SPON1: variants seen among roughly 807,000 people sequenced by gnomAD.
SPON1 encodes spondin-1.
In SPON1, 52 loss-of-function variants were observed where a neutral mutation model predicts 111.7. That is an observed-to-expected ratio of 0.47 (90% confidence interval 0.37 to 0.59). SPON1 has a LOEUF of 0.59. Among genes scored for constraint, SPON1 ranks in the 20% least tolerant of loss-of-function variants. The pLI is 0.00. For synonymous variants in SPON1, 410 were observed against 395.8 expected, an observed-to-expected ratio of 1.04 and a Z score of -0.43; for missense variants, 957 against 1,068.5, an observed-to-expected ratio of 0.90 and a Z score of 1.46.
At chr11:14,056,251 C>T (rs1848743846) in intron 3 of SPON1, among the ~76,000 whole-genome samples, 1 of 152,142 alleles carries the variant, frequency 6.6e-6, no homozygotes, top group Admixed American at 6.5e-5. Flanking sequence ...TAGAACACTT[C>T]CTGGCACAGA....
At chr11:13,992,403 C>T (rs1233470343) in intron 2 of SPON1, among the ~76,000 whole-genome samples, 1 of 152,170 alleles carries the variant, frequency 6.6e-6, no homozygotes, top group Non-Finnish European at 1.5e-5. Flanking sequence ...GACGCCCCTT[C>T]CTCCACCAAG....
chr11:14,149,423 G>A (rs570889765), intron 6 of SPON1, among the ~76,000 whole-genome samples: 45 of 152,118 alleles, frequency 3.0e-4, no homozygotes, highest in African/African-American at 9.4e-4. Flanking sequence ...TATTACAGTC[G>A]TTAAAAAGGT....
intron 6 of SPON1, among the ~76,000 whole-genome samples, chr11:14,176,203 C>A (rs782112658): frequency 6.6e-6 from 1 of 152,132 alleles, no homozygotes; most frequent in Non-Finnish European, 1.5e-5. Flanking sequence ...CTTCCATCAG[C>A]AACCCCTCTG....
Position 14,256,633 on chromosome 11 carries a change from T to C in SPON1, c.1250T>C (p.Ile417Thr), listed in dbSNP as rs372772467. ...CTTTTTCAGGGTGAACAATGCAATA[T>C]TGTACCTGACAATGTCGATGATATT... ...RIARKGEQCNIVPDNVDDIVA... is the reference protein window; with the variant it reads ...RIARKGEQCNTVPDNVDDIVA... Residue 417 changes from isoleucine to threonine, a missense_variant, in exon 10 of 16, where the codon ATT becomes ACT. Physicochemically the swap from Ile to Thr is moderately conservative, Grantham distance 89. This residue lies in a region of SPON1 where 549 missense variants were observed against 606.2 expected (regional missense o/e 0.91). Transcript: ENST00000576479. 8.6e-5 allele frequency: 138 copies of C among 1,613,634 alleles called. No individual in the cohort carries two copies. In the East Asian group the frequency reaches 1.7e-3, roughly 20 times the overall value.
chr11:14,145,468 G>A (rs1159747703), intron 6 of SPON1, among the ~76,000 whole-genome samples: 2 of 152,148 alleles, frequency 1.3e-5, no homozygotes, highest in East Asian at 1.9e-4. Flanking sequence ...AAATTTAAGT[G>A]AGAGATCATT....
chr11:14,069,585 C>T (rs528390454), intron 3 of SPON1, among the ~76,000 whole-genome samples: 1 of 152,108 alleles, frequency 6.6e-6, no homozygotes, highest in African/African-American at 2.4e-5. Flanking sequence ...CTGTTTATCT[C>T]TTTTCACCCA....
Position 14,262,934 on chromosome 11 carries a change from G to C in SPON1, c.2219G>C (p.Ser740Thr), listed in dbSNP as rs556316713. ...RWREARESRR[S>T]EQLKEESEGE... ...AGGGAGGCCCGAGAGAGCCGGCGGA[G>C]TGAGCAGCTGAAGGAAGAGTCTGAA... The change falls in exon 15 of 16, where the codon AGT becomes ACT. Residue 740 changes from serine (S) to threonine (T), a missense_variant. By Grantham distance (58) the Ser-to-Thr change is moderately conservative (BLOSUM62 1). This residue lies in a region of SPON1 where 549 missense variants were observed against 606.2 expected (regional missense o/e 0.91). Coordinates refer to ENST00000576479, the MANE Select transcript of SPON1 (RefSeq NM_006108.4). The C allele has an allele frequency of 4.5e-5, 73 of 1,613,688 alleles. No homozygotes were observed. The East Asian group carries it at 1.6e-3, about 34-fold the overall frequency.
chr11:14,065,649 T>C (rs1848826923), intron 3 of SPON1, among the ~76,000 whole-genome samples: 1 of 152,218 alleles, frequency 6.6e-6, no homozygotes, highest in Admixed American at 6.5e-5. Flanking sequence ...TGGAATATTT[T>C]ATTAAATGGA....
chr11:14,004,502 C>G lies in SPON1; in HGVS notation c.345+21549C>G, dbSNP rs78128604. On this transcript the variant is annotated intron_variant, in intron 2 of 15. Coordinates refer to ENST00000576479, the MANE Select transcript of SPON1 (RefSeq NM_006108.4). ...AGACCCTTACCAACATTTGCTATCT[C>G]TTGTCTTTTTGATAATAGCTATCCT... is the stretch of plus-strand genomic sequence containing the variant. Among the ~76,000 whole-genome samples the G allele has an allele frequency of 5.9e-4, 90 of 152,272 alleles. No individual in the cohort carries two copies. The East Asian group carries it at 0.015, about 26-fold the overall frequency.
At chr11:14,235,505 C>T (rs116469138) in intron 6 of SPON1, among the ~76,000 whole-genome samples, 2,361 of 151,518 alleles carry the variant, frequency 0.016, 59 homozygotes, top group African/African-American at 0.053. Flanking sequence ...AAAGCAAGAC[C>T]CCATCTCTAC....
chr11:14,031,642 T>C (rs1848559841), intron 2 of SPON1, among the ~76,000 whole-genome samples: 1 of 123,190 alleles, frequency 8.1e-6, no homozygotes, highest in Admixed American at 9.2e-5. Context: ...CAAACCAAAA[T>C]TATTCAAACA....
intron 6 of SPON1, among the ~76,000 whole-genome samples, chr11:14,202,325 T>A (rs1051024798): frequency 9.2e-5 from 14 of 152,202 alleles, no homozygotes; most frequent in Admixed American, 5.2e-4. Flanking sequence ...TCCCTCATCT[T>A]GCAGTCATCG....
chr11:14,191,476 G>A (rs1183709543), intron 6 of SPON1, among the ~76,000 whole-genome samples: 7 of 152,144 alleles, frequency 4.6e-5, no homozygotes, highest in African/African-American at 1.2e-4. Flanking sequence ...AAAACAGGCA[G>A]GCACATTTTG....
At chr11:14,041,708 T>C (rs1394449019) in intron 3 of SPON1, 54 bp downstream of exon 3, 8 of 1,582,340 alleles carry the variant, frequency 5.1e-6, no homozygotes, top group Middle Eastern at 1.7e-4. Flanking sequence ...TGTGGTGTGA[T>C]TGCAGGGAAA....
chr11:13,965,225 T>C (rs1470305434), intron 1 of SPON1, among the ~76,000 whole-genome samples: 3 of 152,190 alleles, frequency 2.0e-5, no homozygotes, highest in Non-Finnish European at 4.4e-5. Context: ...AGTGGTTATT[T>C]GGGTCCTCAT....
rs1461976145 is a variant in SPON1 at position 14,267,975 on chromosome 11, G to A, written c.*2288G>A. 5.3e-5 allele frequency: 8 copies of A among 152,212 alleles called. No homozygotes were observed. In the East Asian group the frequency reaches 1.5e-3, roughly 29 times the overall value. The allele number at this position is 152,212 out of a possible 1,614,324, so 9.4% of individuals were successfully genotyped here. On this transcript the variant is annotated 3_prime_UTR_variant, in exon 16 of 16. Coordinates refer to ENST00000576479, the MANE Select transcript of SPON1 (RefSeq NM_006108.4). Reference sequence around the variant, plus strand: ...CACATTTTAGGTCCAACAGCAAGAAGTTCAGAGAGAGATTTCCCAACCAGA... The same window carrying A: ...CACATTTTAGGTCCAACAGCAAGAAATTCAGAGAGAGATTTCCCAACCAGA...
At chr11:14,198,862 G>T (rs892472381) in intron 6 of SPON1, among the ~76,000 whole-genome samples, 11 of 152,214 alleles carry the variant, frequency 7.2e-5, no homozygotes, top group African/African-American at 2.7e-4. Context: ...TAAAGCTTAA[G>T]CTTAGAAAAG....
At chr11:14,233,325 C>T (rs1264958869) in intron 6 of SPON1, among the ~76,000 whole-genome samples, 3 of 152,182 alleles carry the variant, frequency 2.0e-5, no homozygotes, top group Admixed American at 6.5e-5. Context: ...GGCCCTATGT[C>T]GCCAGACACA....
intron 6 of SPON1, among the ~76,000 whole-genome samples, chr11:14,238,071 A>G (rs1848886273): frequency 6.6e-6 from 1 of 152,228 alleles, no homozygotes; most frequent in African/African-American, 2.4e-5. Flanking sequence ...CCACCTTGCA[A>G]ATGTGTTGTA....
Sources: gnomAD v4.1 joint callset for allele counts (sites outside exome capture counted in the v4.1 genomes callset) on GRCh38, gnomAD v4.1.1 for gene constraint, gnomAD v4.1.1 regional missense constraint, MANE v1.5 for transcripts, NCBI Gene and HGNC (gene_info 2026-07-23, HGNC 2026-07-21) for gene names.